Variants in CABLES1 observed in about 807,000 individuals in gnomAD.
The protein encoded by CABLES1 is CDK5 and ABL1 enzyme substrate 1.
Under a neutral mutation model 57.8 loss-of-function variants are expected in CABLES1, and 36 were observed. The ratio of observed to expected loss-of-function variants is 0.62; its 90% CI spans 0.48 to 0.82. The LOEUF is 0.82. Among genes scored for constraint, CABLES1 ranks in the 40% least tolerant of loss-of-function variants. The pLI, the probability that CABLES1 is intolerant of heterozygous loss-of-function variation, is 0.00. For synonymous variants in CABLES1, 374 were observed against 363.0 expected (o/e 1.03, Z -0.35); for missense variants, 767 against 836.6 (o/e 0.92, Z 1.03).
chr18:23,254,545 G>T (rs776091467), intron 9 of CABLES1, among the ~76,000 whole-genome samples: 19 of 152,220 alleles, frequency 1.2e-4, no homozygotes, highest in African/African-American at 4.3e-4. Flanking sequence ...AAGAGGAGTA[G>T]TATCTTGGCT....
intron 1 of CABLES1, among the ~76,000 whole-genome samples, chr18:23,161,943 A>G (rs1429483265): frequency 2.0e-5 from 3 of 151,498 alleles, no homozygotes. Flanking sequence ...AAGCGGGTGG[A>G]TCACCTGAGG....
At chr18:23,210,599 C>T (rs1395781414) in intron 3 of CABLES1, among the ~76,000 whole-genome samples, 2 of 152,158 alleles carry the variant, frequency 1.3e-5, no homozygotes, top group Non-Finnish European at 1.5e-5. Flanking sequence ...CTAAACATAA[C>T]GGTTGATCAC....
chr18:23,172,153 A>G (rs2070539782), intron 1 of CABLES1, among the ~76,000 whole-genome samples: 1 of 151,972 alleles, frequency 6.6e-6, no homozygotes, highest in Non-Finnish European at 1.5e-5. Flanking sequence ...ATTTTCTTTT[A>G]CTTCTTTGTA....
intron 3 of CABLES1, among the ~76,000 whole-genome samples, chr18:23,210,464 A>C (rs1401513938): frequency 6.6e-6 from 1 of 152,160 alleles, no homozygotes; most frequent in Non-Finnish European, 1.5e-5. Flanking sequence ...ATTATTTCTC[A>C]AATAATAGAG....
chr18:23,253,168 G>T (rs772087741), intron 8 of CABLES1, 102 bp downstream of exon 8: 2 of 692,182 alleles, frequency 2.9e-6, no homozygotes, highest in Non-Finnish European at 5.2e-6. Flanking sequence ...TGGTTCCAGT[G>T]ATTGAGTCAT....
intron 1 of CABLES1, among the ~76,000 whole-genome samples, chr18:23,148,163 G>A (rs1179633215): frequency 6.6e-6 from 1 of 151,830 alleles, no homozygotes; most frequent in Non-Finnish European, 1.5e-5. Flanking sequence ...CTAATTTTTT[G>A]TATGTTTAGT....
chr18:23,207,065 C>T (rs1568067677), intron 3 of CABLES1, among the ~76,000 whole-genome samples: 2 of 152,204 alleles, frequency 1.3e-5, no homozygotes, highest in East Asian at 3.8e-4. Context: ...CCCACCTTGG[C>T]TTCCCAAAGT....
At chr18:23,181,491 C>T (rs562363928) in intron 1 of CABLES1, among the ~76,000 whole-genome samples, 33 of 49,866 alleles carry the variant, frequency 6.6e-4, no homozygotes, top group African/African-American at 2.4e-3. Flanking sequence ...AGCAAAGCTT[C>T]GTCTCAAAAA....
intron 9 of CABLES1, chr18:23,257,014 C>T (rs139646643): frequency 1.4e-4 from 80 of 571,336 alleles, no homozygotes; most frequent in African/African-American, 1.4e-3. Context: ...TGTGTGGTTC[C>T]GGGCAGCCCC....
chr18:23,238,725 C>T (rs1015968127), intron 7 of CABLES1, among the ~76,000 whole-genome samples: 1 of 152,194 alleles, frequency 6.6e-6, no homozygotes. Flanking sequence ...TATTAAGCAA[C>T]ATGGCCAGGA....
intron 7 of CABLES1, among the ~76,000 whole-genome samples, chr18:23,245,284 G>T (rs1292449290): frequency 6.6e-6 from 1 of 152,118 alleles, no homozygotes; most frequent in African/African-American, 2.4e-5. Context: ...GAGGTGGGCG[G>T]ATCACTTGAG....
At chr18:23,180,332 T>C (rs1354586599) in intron 1 of CABLES1, among the ~76,000 whole-genome samples, 1 of 152,124 alleles carries the variant, frequency 6.6e-6, no homozygotes, top group Admixed American at 6.5e-5. Flanking sequence ...TCATCACTTA[T>C]CTGATGAATG....
intron 4 of CABLES1, chr18:23,219,221 A>G (rs527564795): frequency 2.2e-6 from 1 of 453,982 alleles, no homozygotes; most frequent in Admixed American, 2.3e-5. Flanking sequence ...CTGTGTGTGG[A>G]GCCTACTCTC....
chr18:23,220,931 T>G (rs1248342143), intron 4 of CABLES1, among the ~76,000 whole-genome samples: 1 of 152,034 alleles, frequency 6.6e-6, no homozygotes, highest in African/African-American at 2.4e-5. Context: ...ATTCTCCTGG[T>G]GTCTGTATGG....
intron 1 of CABLES1, among the ~76,000 whole-genome samples, chr18:23,151,860 C>T (rs756539543): frequency 2.6e-5 from 4 of 152,146 alleles, no homozygotes; most frequent in Non-Finnish European, 5.9e-5. Context: ...TTTGAAGAAA[C>T]GAGAGTGCTG....
chr18:23,159,311 G>A (rs762358694), intron 1 of CABLES1, among the ~76,000 whole-genome samples: 2 of 152,126 alleles, frequency 1.3e-5, no homozygotes, highest in Non-Finnish European at 2.9e-5. Context: ...GAGGTGGAGC[G>A]GTTGTTCTGT....
chr18:23,158,484 A>G (rs2046980215), intron 1 of CABLES1, among the ~76,000 whole-genome samples: 1 of 152,254 alleles, frequency 6.6e-6, no homozygotes, highest in Non-Finnish European at 1.5e-5. Context: ...TGATGACCCC[A>G]AATAAATTAG....
intron 3 of CABLES1, among the ~76,000 whole-genome samples, chr18:23,199,900 C>G (rs2047311015): frequency 6.6e-6 from 1 of 152,112 alleles, no homozygotes; most frequent in East Asian, 1.9e-4. Context: ...TAGGCTATTA[C>G]TATTAAGACA....
intron 1 of CABLES1, among the ~76,000 whole-genome samples, chr18:23,143,675 T>C (rs73402641): frequency 0.088 from 13,429 of 152,196 alleles, 658 homozygotes; most frequent in Middle Eastern, 0.14. Context: ...TGGTTGTGCT[T>C]CCCCCACCCT....
Sources: allele counts gnomAD v4.1 joint callset (sites outside exome capture counted in the v4.1 genomes callset), GRCh38; gene constraint gnomAD v4.1.1; transcripts MANE v1.5; gene names NCBI Gene and HGNC (gene_info 2026-07-23, HGNC 2026-07-21).